The following IDE variants were observed in gnomAD, a reference collection of about 807,000 sequenced individuals.
IDE encodes insulin degrading enzyme, also known as insulin-degrading enzyme.
IDE carries 58 observed loss-of-function variants against 133.2 expected under a neutral mutation model. That is an observed-to-expected ratio of 0.44 (90% CI 0.35 to 0.54). The LOEUF (loss-of-function observed/expected upper bound fraction) is 0.54, where lower values mean the gene tolerates loss of function less well. Ranked by LOEUF, IDE falls within the 20% of genes least tolerant of loss-of-function variation. IDE has a pLI of 0.00. For synonymous variants in IDE, 396 were observed against 421.3 expected (o/e 0.94, Z 0.73); for missense variants, 981 against 1,234.0 (o/e 0.79, Z 3.07).
intron 1 of IDE, among the ~76,000 whole-genome samples, chr10:92,573,526 C>A (rs1288947777): frequency 6.6e-6 from 1 of 152,256 alleles, no homozygotes; most frequent in Non-Finnish European, 1.5e-5. Flanking sequence ...CTTTACCCCA[C>A]GGCTCGAGTC....
intron 13 of IDE, among the ~76,000 whole-genome samples, chr10:92,484,249 A>C (rs1846818956): frequency 6.6e-6 from 1 of 151,994 alleles, no homozygotes; most frequent in Non-Finnish European, 1.5e-5. Context: ...CGTCTCTACT[A>C]ATCATACAAA....
In IDE at chr10:92,453,283, T is replaced by G. The variant is rs1231397026; in HGVS notation, c.*1161A>C. 4 of 152,166 alleles carry G rather than the reference T, an allele frequency of 2.6e-5. No homozygotes were observed. Among genetic ancestry groups the G allele is most frequent in the Non-Finnish European group, 5.9e-5 (4 of 68,022 alleles). 9.4% of individuals were successfully genotyped at this position (152,166 alleles called of 1,614,324 possible). On this transcript the variant is annotated 3_prime_UTR_variant, in exon 25 of 25. Coordinates refer to ENST00000265986, the MANE Select transcript of IDE (RefSeq NM_004969.4). ...CAATTTCACCTAAAATAGTATCTCA[T>G]GAAAAAAATATTTTTTTAAAAGTCT...
At chr10:92,539,616 T>G (rs1842197915) in intron 1 of IDE, among the ~76,000 whole-genome samples, 1 of 151,580 alleles carries the variant, frequency 6.6e-6, no homozygotes, top group Non-Finnish European at 1.5e-5. Flanking sequence ...ATACAAAAAT[T>G]AGATGGGTGT....
intron 4 of IDE, among the ~76,000 whole-genome samples, chr10:92,527,283 G>A (rs1217115436): frequency 1.3e-5 from 2 of 152,024 alleles, no homozygotes; most frequent in African/African-American, 4.8e-5. Flanking sequence ...GATGTTTCCA[G>A]GGCCTATAAT....
Position 92,574,070 on chromosome 10 carries a change from G to C in IDE, c.-51C>G, listed in dbSNP as rs4646954. On this transcript the variant is annotated 5_prime_UTR_variant, in exon 1 of 25. Coordinates refer to ENST00000265986, the MANE Select transcript of IDE (RefSeq NM_004969.4). ...CGCAAACGCTTCCTGCTTGCGCTTC[G>C]AGCCGGCCCTGCGCACTGCGCATGC... 3.5e-6 allele frequency: 5 copies of C among 1,419,198 alleles called. No individual in the cohort carries two copies. The highest frequency in any genetic ancestry group is 2.4e-5 in the Admixed American group (1 of 42,020). The allele number at this position is 1,419,198 out of a possible 1,614,324, so 87.9% of individuals were successfully genotyped here.
intron 1 of IDE, among the ~76,000 whole-genome samples, chr10:92,538,622 T>C (rs1170776152): frequency 6.6e-6 from 1 of 152,194 alleles, no homozygotes; most frequent in Non-Finnish European, 1.5e-5. Context: ...AAAGGCTAGA[T>C]TACAGTGATG....
rs1308849276 is a variant in IDE, at chr10:92,511,099, A to C, written c.785-937T>G. On this transcript the variant is annotated intron_variant, in intron 5 of 24. Transcript: ENST00000265986. ...AAAGCAGTGTTAAAAAAAAAAAAAAAAACTTTTTTTTTTTTTTTTTGAAGC... is the reference window on the plus strand; with the variant it reads ...AAAGCAGTGTTAAAAAAAAAAAAAACAACTTTTTTTTTTTTTTTTTGAAGC... Among the ~76,000 whole-genome samples, 133 of 149,564 alleles carry C rather than the reference A, an allele frequency of 8.9e-4. 1 individual carries two copies. The highest frequency in any genetic ancestry group is 1.5e-3 in the Non-Finnish European group (100 of 67,300).
intron 12 of IDE, 96 bp downstream of exon 12, chr10:92,490,397 T>C: frequency 1.3e-6 from 1 of 767,088 alleles, no homozygotes; most frequent in East Asian, 2.4e-5. Context: ...AGGTCATCAG[T>C]CTTCCACACT....
rs570492056 is a variant in IDE at position 92,505,386 on chromosome 10, ACAAT to A, written c.1327-493_1327-490del. Reference sequence around the variant, plus strand: ...TTATATTTTTGGCCAGTGTAGAAAAACAATGCAGAAGATGCTTTTTGGTAAGAGC... The same window carrying A: ...TTATATTTTTGGCCAGTGTAGAAAAAGCAGAAGATGCTTTTTGGTAAGAGC... On this transcript the variant is annotated intron_variant, in intron 10 of 24. Transcript: ENST00000265986. Among the ~76,000 whole-genome samples the A allele has an allele frequency of 4.3e-3, 657 of 152,336 alleles. 3 individuals carry two copies. Among genetic ancestry groups the A allele is most frequent in the South Asian group, 7.5e-3 (36 of 4,828 alleles).
intron 1 of IDE, among the ~76,000 whole-genome samples, chr10:92,561,599 A>C (rs1258573413): frequency 6.8e-6 from 1 of 146,096 alleles, no homozygotes; most frequent in East Asian, 2.0e-4. Flanking sequence ...TAAAAATACA[A>C]AAAAAAAAAA....
Position 92,510,221 on chromosome 10 carries a change from G to A in IDE, c.785-59C>T, listed in dbSNP as rs529876868. On this transcript the variant is annotated intron_variant, in intron 5 of 24. Coordinates refer to ENST00000265986, the MANE Select transcript of IDE (RefSeq NM_004969.4). ...AGCGAATCATAACATCCAACAGGGA[G>A]TGCTTAAAATCTTAGGATCTCCTGA... is the stretch of plus-strand genomic sequence containing the variant. The A allele has an allele frequency of 3.1e-5, 27 of 865,400 alleles. No homozygotes were observed. The South Asian group carries it at 4.0e-4, about 13-fold the overall frequency. The allele number at this position is 865,400 out of a possible 1,614,324, so 53.6% of individuals were successfully genotyped here.
chr10:92,528,983 A>T (rs1239686221), intron 4 of IDE, among the ~76,000 whole-genome samples: 2 of 152,174 alleles, frequency 1.3e-5, no homozygotes, highest in African/African-American at 4.8e-5. Context: ...AGGCTGAGGC[A>T]GGAGAATCGC....
intron 11 of IDE, among the ~76,000 whole-genome samples, chr10:92,503,323 A>C (rs1848127186): frequency 6.6e-6 from 1 of 152,204 alleles, no homozygotes. Flanking sequence ...CTGTATCATA[A>C]TATAAAAAAA....
intron 4 of IDE, among the ~76,000 whole-genome samples, chr10:92,517,780 T>C (rs976314349): frequency 2.6e-5 from 4 of 152,022 alleles, no homozygotes; most frequent in South Asian, 4.2e-4. Flanking sequence ...CTGGCAAGCA[T>C]GGTGGCATGC....
At chr10:92,475,273 T>TA in intron 16 of IDE, among the ~76,000 whole-genome samples, 1 of 152,338 alleles carries the variant, frequency 6.6e-6, no homozygotes, top group South Asian at 2.1e-4. Flanking sequence ...TTGGAATCTT[T>TA]AGGTTCTACG....
At chr10:92,458,352 C>T (rs1008788374) in intron 22 of IDE, among the ~76,000 whole-genome samples, 3 of 152,064 alleles carry the variant, frequency 2.0e-5, no homozygotes, top group Non-Finnish European at 4.4e-5. Context: ...TCTAAGAATG[C>T]GAATAGTCTT....
intron 4 of IDE, among the ~76,000 whole-genome samples, chr10:92,528,850 G>A (rs957077133): frequency 3.9e-5 from 6 of 152,116 alleles, no homozygotes; most frequent in Non-Finnish European, 7.3e-5. Context: ...GCTGAGGCGG[G>A]CAGATCACTT....
Position 92,487,229 on chromosome 10 carries a change from T to C in IDE, c.1623A>G (p.Glu541=). The C allele has an allele frequency of 6.2e-7, 1 of 1,613,612 alleles. No individual in the cohort carries two copies. Among genetic ancestry groups the C allele is most frequent in the Non-Finnish European group, 8.5e-7 (1 of 1,179,788 alleles). ...GAGCAGGGTATGGTGTCGCCTCTTTTTCTAACGGTAAAATCTCAAAATTCG... is the reference window on the plus strand; with the variant it reads ...GAGCAGGGTATGGTGTCGCCTCTTTCTCTAACGGTAAAATCTCAAAATTCG... The part of the protein sequence containing the change: ...IPTNFEILPL[E]KEATPYPALI... Residue 541 remains glutamate, a synonymous_variant, in exon 13 of 25, where the codon GAA becomes GAG. Transcript: ENST00000265986.
intron 5 of IDE, among the ~76,000 whole-genome samples, chr10:92,512,166 C>T (rs546843093): frequency 6.6e-6 from 1 of 152,310 alleles, no homozygotes; most frequent in East Asian, 1.9e-4. Flanking sequence ...AGTGCTTCCA[C>T]AACTAGGGAG....
Sources: gnomAD v4.1 joint callset for allele counts (sites outside exome capture counted in the v4.1 genomes callset) on GRCh38, gnomAD v4.1.1 for gene constraint, MANE v1.5 for transcripts, NCBI Gene and HGNC (gene_info 2026-07-23, HGNC 2026-07-21) for gene names.